The following APOBEC1 variants were observed in gnomAD, a reference collection of about 807,000 sequenced individuals.
APOBEC1 encodes C->U-editing enzyme APOBEC-1.
Under a neutral mutation model 26.3 loss-of-function variants are expected in APOBEC1, and 22 were observed. The observed-to-expected ratio is 0.84, with a 90% confidence interval of 0.60 to 1.19. The LOEUF is 1.19. Among genes scored for constraint, APOBEC1 ranks in the 50% most tolerant of loss-of-function variants. The pLI is 0.00. For synonymous variants in APOBEC1, 77 were observed against 95.3 expected, an observed-to-expected ratio of 0.81 and a Z score of 1.12; for missense variants, 253 against 289.0, an observed-to-expected ratio of 0.88 and a Z score of 0.90.
In APOBEC1 at chr12:7,660,384, GAA is replaced by G. The variant is rs762035447; in HGVS notation, c.16+5471_16+5472del. Among the ~76,000 whole-genome samples, 2 of 81,298 alleles carry G rather than the reference GAA, an allele frequency of 2.5e-5. 1 individual carries two copies. The highest frequency in any genetic ancestry group is 5.6e-5 in the Non-Finnish European group (2 of 35,712). The allele number at this position is 81,298 out of a possible 152,430, so 53.3% of individuals were successfully genotyped here. ...GGAAGGAAGGAAGGAAGGAAAGAAAGAAAGAAAGAAAGAAAGAAAGAAAGAAA... is the reference window on the plus strand; with the variant it reads ...GGAAGGAAGGAAGGAAGGAAAGAAAGAGAAAGAAAGAAAGAAAGAAAGAAA... On this transcript the variant is annotated intron_variant, in intron 1 of 4. Transcript: ENST00000229304.
chr12:7,669,189 C>G (rs891139869), upstream of APOBEC1, among the ~76,000 whole-genome samples: 1 of 149,154 alleles, frequency 6.7e-6, no homozygotes, highest in Non-Finnish European at 1.5e-5. Flanking sequence ...TTTTGCTCAG[C>G]TTTTCCTTTT....
intron 1 of APOBEC1, 140 bp from the exon 2 acceptor site, chr12:7,654,772 G>T: frequency 1.2e-6 from 1 of 853,890 alleles, no homozygotes; most frequent in Non-Finnish European, 1.9e-6. Context: ...AATTGTATTG[G>T]ACCAGCTCAT....
At chr12:7,663,732 A>G (rs1863852896) in intron 1 of APOBEC1, among the ~76,000 whole-genome samples, 1 of 152,198 alleles carries the variant, frequency 6.6e-6, no homozygotes, top group South Asian at 2.1e-4. Context: ...GATACCAGCC[A>G]CATGACTGGG....
upstream of APOBEC1, among the ~76,000 whole-genome samples, chr12:7,669,312 G>A (rs1863928691): frequency 6.6e-6 from 1 of 151,816 alleles, no homozygotes; most frequent in South Asian, 2.1e-4. Flanking sequence ...CGGTCTACAT[G>A]ATTAGGTGTA....
rs1228042395 is a variant in APOBEC1, at chr12:7,651,154, A to G, written c.443-13T>C. 2 of 1,573,022 alleles carry G rather than the reference A, an allele frequency of 1.3e-6. No homozygotes were observed. Among genetic ancestry groups the G allele is most frequent in the South Asian group, 2.2e-5 (2 of 90,162 alleles). On this transcript the variant is annotated splice_polypyrimidine_tract_variant and intron_variant, in intron 3 of 4. Coordinates refer to ENST00000229304, the MANE Select transcript of APOBEC1 (RefSeq NM_001644.5). The stretch of plus-strand genomic sequence containing the variant: ...CAGTGATAATACTCTAAGGAAACAC[A>G]AATCTTGGCTCATTCAACAAGCACA...
chr12:7,660,416 G>GA lies in APOBEC1; in HGVS notation c.16+5440_16+5441insT, dbSNP rs780368866. The stretch of plus-strand genomic sequence containing the variant: ...AGAAAGAAAGAAAGAAAGAAAGAGA[G>GA]GGTATTTGGGCCAGGGACAGTGGCT... On this transcript the variant is annotated intron_variant, in intron 1 of 4. Coordinates refer to ENST00000229304, the MANE Select transcript of APOBEC1 (RefSeq NM_001644.5). Among the ~76,000 whole-genome samples the GA allele has an allele frequency of 2.3e-3, 342 of 145,862 alleles. 7 individuals are homozygous for GA. The highest frequency in any genetic ancestry group is 7.0e-3 in the African/African-American group (281 of 40,012).
chr12:7,669,040 C>CGA (rs1223018359), upstream of APOBEC1, among the ~76,000 whole-genome samples: 4 of 151,938 alleles, frequency 2.6e-5, no homozygotes, highest in Non-Finnish European at 5.9e-5. Flanking sequence ...CCAGCACCCC[C>CGA]CAATTCTGTG....
chr12:7,653,964 T>A (rs1036132440), intron 2 of APOBEC1, among the ~76,000 whole-genome samples: 12 of 152,154 alleles, frequency 7.9e-5, no homozygotes, highest in African/African-American at 2.9e-4. Context: ...GCTTATTACA[T>A]CCTAATAGTT....
intron 3 of APOBEC1, 69 bp from the exon 4 acceptor site, chr12:7,651,210 T>A: frequency 9.4e-7 from 1 of 1,068,596 alleles, no homozygotes; most frequent in Non-Finnish European, 1.5e-6. Flanking sequence ...ATCCCCAACC[T>A]AGCTTCCCGT....
chr12:7,660,375 GGAAAGAAA>G (rs1555094885), intron 1 of APOBEC1, among the ~76,000 whole-genome samples: 1 of 23,950 alleles, frequency 4.2e-5, no homozygotes, highest in East Asian at 7.3e-4. Context: ...AAGGAAGGAA[GGAAAGAAA>G]GAAAGAAAGA....
At chr12:7,670,260 C>T (rs1025901979), upstream of APOBEC1, among the ~76,000 whole-genome samples, 10 of 138,488 alleles carry the variant, frequency 7.2e-5, 1 homozygote, top group Non-Finnish European at 1.6e-4. Context: ...CTGGGATTAC[C>T]AGGTGTGAGC....
Position 7,650,022 on chromosome 12 carries a change from G to A in APOBEC1, c.562-326C>T, listed in dbSNP as rs150925367. Among the ~76,000 whole-genome samples the A allele has an allele frequency of 4.3e-4, 66 of 152,072 alleles. No homozygotes were observed. The East Asian group carries it at 0.01, about 24-fold the overall frequency. On this transcript the variant is annotated intron_variant, in intron 4 of 4. Transcript: ENST00000229304. ...TGTTGAGATGTGGTTTCGCCATGTT[G>A]CCCAGGCTGGTCTCCAACTTCTGGG...
rs771713981 is a variant in APOBEC1, at chr12:7,652,679, T to C, written c.201A>G (p.Ile67Met). The C allele has an allele frequency of 1.2e-6, 2 of 1,613,996 alleles. No homozygotes were observed. The highest frequency in any genetic ancestry group is 2.7e-5 in the African/African-American group (2 of 74,928). ...AATCTCTTTCTGACGTAAATTTTTT[T>C]ATAAAATTAACTTCCACGTGATTGG... ...NTTNHVEVNFIKKFTSERDFH... is the reference protein window; with the variant it reads ...NTTNHVEVNFMKKFTSERDFH... Residue 67 changes from isoleucine to methionine, a missense_variant, in exon 3 of 5, where the codon ATA (isoleucine) becomes ATG (methionine). Ile to Met is a conservative substitution (Grantham distance 10). Transcript: ENST00000229304.
chr12:7,656,047 G>A (rs958160303), intron 1 of APOBEC1, among the ~76,000 whole-genome samples: 1 of 151,938 alleles, frequency 6.6e-6, no homozygotes, highest in Non-Finnish European at 1.5e-5. Context: ...GTGTTGCCCA[G>A]GTTGGTCTCA....
At chr12:7,660,746 A>C (rs781730613) in intron 1 of APOBEC1, among the ~76,000 whole-genome samples, 54 of 151,396 alleles carry the variant, frequency 3.6e-4, no homozygotes, top group African/African-American at 1.1e-3. Flanking sequence ...CTATACAGCT[A>C]TACAAAAGAA....
At chr12:7,669,449 T>C (rs1863929704), upstream of APOBEC1, among the ~76,000 whole-genome samples, 1 of 152,218 alleles carries the variant, frequency 6.6e-6, no homozygotes, top group Admixed American at 6.6e-5. Flanking sequence ...ATAAAGCTGC[T>C]GTGAACATTT....
At chr12:7,664,999 G>A (rs1355426220) in intron 1 of APOBEC1, among the ~76,000 whole-genome samples, 2 of 152,064 alleles carry the variant, frequency 1.3e-5, no homozygotes, top group African/African-American at 4.8e-5. Flanking sequence ...GAGCCCAGGA[G>A]TTCCAGACCA....
At chr12:7,665,973 G>C (rs956959670), upstream of APOBEC1, 40 of 1,246,640 alleles carry the variant, frequency 3.2e-5, no homozygotes, top group Non-Finnish European at 4.5e-5. Flanking sequence ...TGCTTGGGCA[G>C]AGGATGACTC....
chr12:7,649,804 C>CTTT, intron 4 of APOBEC1, 108 bp from the exon 5 acceptor site: 1 of 950,972 alleles, frequency 1.1e-6, no homozygotes, highest in Non-Finnish European at 1.5e-6. Context: ...TTAACTATTT[C>CTTT]TTCTTTTTTT....
Sources: gnomAD v4.1 joint callset for allele counts (sites outside exome capture counted in the v4.1 genomes callset) on GRCh38, gnomAD v4.1.1 for gene constraint, MANE v1.5 for transcripts, NCBI Gene and HGNC (gene_info 2026-07-23, HGNC 2026-07-21) for gene names.